The following NPAS2 variants were observed in gnomAD, a reference collection of about 807,000 sequenced individuals.
NPAS2 encodes the protein neuronal PAS domain protein 2.
NPAS2 carries 23 observed loss-of-function variants against 107.5 expected under a neutral mutation model. That is an observed-to-expected ratio of 0.21 (90% CI 0.15 to 0.30). NPAS2 has a LOEUF of 0.30. Among genes scored for constraint, NPAS2 ranks in the 10% least tolerant of loss-of-function variants. The probability of loss-of-function intolerance (pLI) is 1.00; values close to 1 mark genes in which losing one functional copy is unlikely to be tolerated. For synonymous variants in NPAS2, 403 were observed against 417.5 expected (o/e 0.97, Z 0.42); for missense variants, 756 against 1,043.3 (o/e 0.72, Z 3.79).
At chr2:100,844,199 C>T (rs1677627704) in intron 1 of NPAS2, among the ~76,000 whole-genome samples, 1 of 152,128 alleles carries the variant, frequency 6.6e-6, no homozygotes, top group African/African-American at 2.4e-5. Flanking sequence ...ACCCAGCAAC[C>T]ACCATGCCCA....
chr2:100,952,167 A>T (rs964589003), intron 7 of NPAS2, among the ~76,000 whole-genome samples: 1 of 150,616 alleles, frequency 6.6e-6, no homozygotes, highest in African/African-American at 2.5e-5. Context: ...AAAAAAAAAA[A>T]AAAAGATGTG....
At chr2:100,845,547 C>G (rs748668593) in intron 1 of NPAS2, among the ~76,000 whole-genome samples, 1 of 152,214 alleles carries the variant, frequency 6.6e-6, no homozygotes, top group Non-Finnish European at 1.5e-5. Flanking sequence ...ACTACATGCA[C>G]TCAGGCACCC....
chr2:100,994,930 A>C (rs1678357799), intron 20 of NPAS2: 1 of 156,590 alleles, frequency 6.4e-6, no homozygotes, highest in African/African-American at 2.4e-5. Context: ...CTAAACTTCC[A>C]ATCAAGATGC....
intron 7 of NPAS2, among the ~76,000 whole-genome samples, chr2:100,961,548 A>C (rs79887097): frequency 0.031 from 4,701 of 152,210 alleles, 156 homozygotes; most frequent in South Asian, 0.16. Context: ...CAATAATGAA[A>C]CTTCCTTTTG....
At chr2:100,964,823 C>T (rs779260447) in intron 8 of NPAS2, 38 bp from the exon 9 acceptor site, 3 of 1,383,144 alleles carry the variant, frequency 2.2e-6, no homozygotes, top group African/African-American at 1.5e-5. Context: ...GCATCTGGCA[C>T]CCAAGCAACT....
At chr2:100,941,792 A>G (rs548431651) in intron 5 of NPAS2, among the ~76,000 whole-genome samples, 1 of 152,212 alleles carries the variant, frequency 6.6e-6, no homozygotes, top group South Asian at 2.1e-4. Context: ...GCAGAACCAA[A>G]TGAGAGACCA....
intron 4 of NPAS2, among the ~76,000 whole-genome samples, chr2:100,933,257 A>C (rs1684082242): frequency 6.6e-6 from 1 of 152,152 alleles, no homozygotes; most frequent in Non-Finnish European, 1.5e-5. Context: ...TCACAACCAG[A>C]GGACACCTTG....
chr2:100,956,893 C>G (rs917128910), intron 7 of NPAS2, among the ~76,000 whole-genome samples: 4 of 152,218 alleles, frequency 2.6e-5, no homozygotes, highest in Admixed American at 2.0e-4. Flanking sequence ...AACAAAGCCC[C>G]TTTGCTCTGG....
At chr2:100,948,666 C>T (rs1404953477) in intron 6 of NPAS2, among the ~76,000 whole-genome samples, 3 of 152,138 alleles carry the variant, frequency 2.0e-5, no homozygotes, top group African/African-American at 7.2e-5. Context: ...ACAGTGCAAA[C>T]ATCAGTGAAC....
Position 100,945,663 on chromosome 2 carries a change from TC to T in NPAS2, c.364-2569del, listed in dbSNP as rs574831870. Among the ~76,000 whole-genome samples, 24 of 152,244 alleles carry T rather than the reference TC, an allele frequency of 1.6e-4. No homozygotes were observed. In the East Asian group the frequency reaches 4.6e-3, roughly 29 times the overall value. ...CCTCCTCTGTCATGGCTTCTCGCCC[TC>T]CCTGTTGTTCCCACCTTCCTGCAGT... On this transcript the variant is annotated intron_variant, in intron 5 of 20. Transcript: ENST00000335681.
chr2:100,975,709 A>G (rs563192556), intron 14 of NPAS2, 142 bp downstream of exon 14: 1 of 552,572 alleles, frequency 1.8e-6, no homozygotes, highest in Admixed American at 4.1e-5. Context: ...GGGGGTGGGA[A>G]GTTAAGTAAT....
At chr2:100,851,072 A>G (rs749329379) in intron 1 of NPAS2, among the ~76,000 whole-genome samples, 3 of 151,958 alleles carry the variant, frequency 2.0e-5, no homozygotes, top group Non-Finnish European at 2.9e-5. Flanking sequence ...CAAACACTGC[A>G]TGATTCCACC....
chr2:100,861,991 ATATG>A (rs1678971477), intron 1 of NPAS2, among the ~76,000 whole-genome samples: 1 of 152,198 alleles, frequency 6.6e-6, no homozygotes, highest in Non-Finnish European at 1.5e-5. Flanking sequence ...GTATGTATAC[ATATG>A]TATGTCTATA....
At chr2:100,886,281 C>T (rs1680693595) in intron 1 of NPAS2, among the ~76,000 whole-genome samples, 1 of 152,220 alleles carries the variant, frequency 6.6e-6, no homozygotes, top group Admixed American at 6.5e-5. Context: ...GTCTTCAGCT[C>T]TTCAGGAAAA....
At chr2:100,885,891 C>T (rs1309417433) in intron 1 of NPAS2, among the ~76,000 whole-genome samples, 1 of 152,120 alleles carries the variant, frequency 6.6e-6, no homozygotes, top group African/African-American at 2.4e-5. Flanking sequence ...AAACTCCCGA[C>T]CTCAGGTGAT....
intron 1 of NPAS2, among the ~76,000 whole-genome samples, chr2:100,871,157 A>G (rs1298819033): frequency 6.6e-6 from 1 of 152,184 alleles, no homozygotes; most frequent in Non-Finnish European, 1.5e-5. Flanking sequence ...TTTTGTAAAT[A>G]AAGTTTTATT....
chr2:100,995,383 TG>T lies in NPAS2; in HGVS notation c.2293-16del, dbSNP rs1678390830. On this transcript the variant is annotated splice_polypyrimidine_tract_variant and intron_variant, in intron 20 of 20. Coordinates refer to ENST00000335681, the MANE Select transcript of NPAS2 (RefSeq NM_002518.4). ...CATCAGAACCACCTCTGAAGCCCTT[TG>T]TTCTTTTTTTTCTAGGTACAGGCAC... The T allele has an allele frequency of 3.7e-6, 6 of 1,604,932 alleles. No individual in the cohort carries two copies. Among genetic ancestry groups the T allele is most frequent in the African/African-American group, 1.3e-5 (1 of 74,662 alleles).
At chr2:100,841,643 G>T (rs1677406920) in intron 1 of NPAS2, among the ~76,000 whole-genome samples, 1 of 151,676 alleles carries the variant, frequency 6.6e-6, no homozygotes, top group South Asian at 2.1e-4. Flanking sequence ...TCGATAACCA[G>T]ACTGACCCTC....
intron 1 of NPAS2, among the ~76,000 whole-genome samples, chr2:100,853,708 C>T (rs79277104): frequency 3.5e-3 from 525 of 152,166 alleles, no homozygotes; most frequent in Non-Finnish European, 6.0e-3. Flanking sequence ...TGAGGTAAGA[C>T]GGTGGACACG....
Sources: allele counts gnomAD v4.1 joint callset (sites outside exome capture counted in the v4.1 genomes callset), GRCh38; gene constraint gnomAD v4.1.1; transcripts MANE v1.5; gene names NCBI Gene and HGNC (gene_info 2026-07-23, HGNC 2026-07-21).